The following ZNF503 variants were observed in gnomAD, a reference collection of about 807,000 sequenced individuals.
The protein encoded by ZNF503 is zinc finger protein 503.
A neutral mutation model predicts 34.4 loss-of-function variants in ZNF503; 15 were observed. The observed-to-expected ratio is 0.44, with a 90% CI of 0.29 to 0.67. The LOEUF (loss-of-function observed/expected upper bound fraction) is 0.67. Among genes scored for constraint, ZNF503 ranks in the 30% least tolerant of loss-of-function variants. The pLI is 0.13. For synonymous variants in ZNF503, 580 were observed against 456.8 expected (o/e 1.27, Z -3.44); for missense variants, 1,007 against 926.8 (o/e 1.09, Z -1.12).
the ZNF503 span, among the ~76,000 whole-genome samples, chr10:75,333,204 C>A: frequency 4.3e-5 from 5 of 117,270 alleles, no homozygotes; most frequent in African/African-American, 1.4e-4. Flanking sequence ...CCTCACCTCC[C>A]GGACGGGGCG....
the ZNF503 span, among the ~76,000 whole-genome samples, chr10:75,344,286 A>T: frequency 2.6e-5 from 4 of 152,202 alleles, no homozygotes; most frequent in Admixed American, 2.0e-4. Flanking sequence ...TGTCAGAGCA[A>T]AGGTATGGCA....
At chr10:75,300,796 T>C in the ZNF503 span, among the ~76,000 whole-genome samples, 36,700 of 148,228 alleles carry the variant, frequency 0.25, 5,445 homozygotes, top group African/African-American at 0.42. Flanking sequence ...ACCTCTGCCT[T>C]CCGGGTTCAA....
the ZNF503 span, among the ~76,000 whole-genome samples, chr10:75,374,835 C>T: frequency 3.3e-5 from 5 of 152,310 alleles, no homozygotes; most frequent in East Asian, 7.7e-4. Flanking sequence ...AGCAAATCCA[C>T]TAGTGAAACC....
At chr10:75,346,456 G>A in the ZNF503 span, among the ~76,000 whole-genome samples, 1 of 141,622 alleles carries the variant, frequency 7.1e-6, no homozygotes, top group African/African-American at 2.6e-5. Context: ...TTTTTTTCAG[G>A]GTCTTGCTCT....
the ZNF503 span, among the ~76,000 whole-genome samples, chr10:75,288,928 G>C: frequency 6.6e-6 from 1 of 152,196 alleles, no homozygotes; most frequent in East Asian, 1.9e-4. Context: ...GCTTGGTTGA[G>C]GGGGGCTGAT....
At chr10:75,392,703 G>C in the ZNF503 span, among the ~76,000 whole-genome samples, 1 of 152,170 alleles carries the variant, frequency 6.6e-6, no homozygotes, top group Non-Finnish European at 1.5e-5. Context: ...GCCAGATTGT[G>C]GAGTGAAGCT....
the ZNF503 span, among the ~76,000 whole-genome samples, chr10:75,323,150 A>C: frequency 6.6e-6 from 1 of 152,178 alleles, no homozygotes; most frequent in Admixed American, 6.5e-5. Flanking sequence ...CTTCTTTCAC[A>C]TAGCAAAATG....
the ZNF503 span, among the ~76,000 whole-genome samples, chr10:75,320,374 A>G: frequency 2.6e-5 from 4 of 152,156 alleles, no homozygotes; most frequent in Non-Finnish European, 5.9e-5. Context: ...CCAGCTACTC[A>G]GGAGGCTGAG....
the ZNF503 span, among the ~76,000 whole-genome samples, chr10:75,315,629 C>T: frequency 2.0e-5 from 3 of 152,018 alleles, no homozygotes; most frequent in Non-Finnish European, 4.4e-5. Context: ...CGTAACACTA[C>T]AGAAAATTAT....
the ZNF503 span, among the ~76,000 whole-genome samples, chr10:75,319,499 T>G: frequency 6.6e-6 from 1 of 152,064 alleles, no homozygotes; most frequent in East Asian, 1.9e-4. Flanking sequence ...ATACAAAGAG[T>G]TACTCTCAAA....
chr10:75,343,853 CCT>C, the ZNF503 span, among the ~76,000 whole-genome samples: 1 of 152,334 alleles, frequency 6.6e-6, no homozygotes, highest in East Asian at 1.9e-4. Context: ...CATGCCCACC[CCT>C]GTTACATGAT....
chr10:75,286,982 T>C, the ZNF503 span, among the ~76,000 whole-genome samples: 65,461 of 152,006 alleles, frequency 0.43, 14,831 homozygotes, highest in South Asian at 0.56. Flanking sequence ...TCCTGGTGTC[T>C]CATGTGCCCT....
the ZNF503 span, among the ~76,000 whole-genome samples, chr10:75,348,461 G>C: frequency 6.2e-3 from 908 of 146,336 alleles, 3 homozygotes; most frequent in African/African-American, 0.022. Flanking sequence ...GTCTCCCAAA[G>C]TGTTAGGATT....
chr10:75,351,364 G>T, the ZNF503 span, among the ~76,000 whole-genome samples: 1 of 152,048 alleles, frequency 6.6e-6, no homozygotes, highest in Non-Finnish European at 1.5e-5. Flanking sequence ...TAGAGACGGG[G>T]TTTCACCATG....
chr10:75,340,582 G>T, the ZNF503 span, among the ~76,000 whole-genome samples: 1 of 152,016 alleles, frequency 6.6e-6, no homozygotes, highest in Non-Finnish European at 1.5e-5. Context: ...TATTGAAAAG[G>T]ACACTGCTGC....
At chr10:75,298,933 CT>C in the ZNF503 span, 595 of 135,128 alleles carry the variant, frequency 4.4e-3, no homozygotes, top group Middle Eastern at 8.2e-3. Flanking sequence ...GTATGTTTAA[CT>C]TTTTTTTTTT....
the ZNF503 span, among the ~76,000 whole-genome samples, chr10:75,336,485 T>TTAGGGAGCTC: frequency 6.7e-4 from 102 of 151,990 alleles, 1 homozygote; most frequent in African/African-American, 2.2e-3. Flanking sequence ...TTGCTAAATG[T>TTAGGGAGCTC]TAGGGAGCTC....
chr10:75,307,208 A>G, the ZNF503 span, among the ~76,000 whole-genome samples: 256 of 152,358 alleles, frequency 1.7e-3, 3 homozygotes, highest in African/African-American at 6.0e-3. Flanking sequence ...TACAAAAGAA[A>G]AGTTCCTGAA....
the ZNF503 span, among the ~76,000 whole-genome samples, chr10:75,363,999 G>GTCTTTAGGTGCAAGCATTCCACTTTT: frequency 1.9e-4 from 29 of 152,210 alleles, no homozygotes; most frequent in Admixed American, 1.3e-3. Context: ...GGGAGGGTTT[G>GTCTTTAGGTGCAAGCATTCCACTTTT]TCTTTAGGTG....
Sources: gnomAD v4.1 joint callset for allele counts (sites outside exome capture counted in the v4.1 genomes callset) on GRCh38, gnomAD v4.1.1 for gene constraint, MANE v1.5 for transcripts, NCBI Gene and HGNC (gene_info 2026-07-23, HGNC 2026-07-21) for gene names.